The following PTPRN2 variants were observed in gnomAD, a reference collection of about 807,000 sequenced individuals.
PTPRN2 encodes receptor-type tyrosine-protein phosphatase N2.
Under a neutral mutation model 118.8 loss-of-function variants are expected in PTPRN2, and 74 were observed. The observed-to-expected ratio is 0.62, with a 90% CI of 0.52 to 0.76. PTPRN2 has a LOEUF of 0.76. Ranked by LOEUF, PTPRN2 falls within the 30% of genes least tolerant of loss-of-function variation. PTPRN2 has a pLI of 0.00. For synonymous variants in PTPRN2, 641 were observed against 608.0 expected (o/e 1.05, Z -0.80); for missense variants, 1,481 against 1,394.4 (o/e 1.06, Z -0.99).
intron 11 of PTPRN2, chr7:158,029,039 G>T (rs1807485884): frequency 6.6e-6 from 1 of 152,298 alleles, no homozygotes; most frequent in African/African-American, 2.4e-5. Context: ...CCAGTCACCT[G>T]GTGTGACATG....
Position 158,305,792 on chromosome 7 carries a change from C to CAAAAAAAA in PTPRN2, c.277+11019_277+11026dup, listed in dbSNP as rs113374723. ...CTAGCAGAAATCAGAGCAATTTACT[C>CAAAAAAAA]AAAAAAAAAAAAAAAGAAAGAAAGA... On this transcript the variant is annotated intron_variant, in intron 3 of 22. Transcript: ENST00000389418. Among the ~76,000 whole-genome samples the CAAAAAAAA allele has an allele frequency of 5.4e-3, 633 of 116,158 alleles. 8 individuals carry two copies. The highest frequency in any genetic ancestry group is 0.018 in the African/African-American group (582 of 33,058). 76.2% of individuals were successfully genotyped at this position (116,158 alleles called of 152,430 possible).
intron 11 of PTPRN2, among the ~76,000 whole-genome samples, chr7:158,072,149 T>C (rs1811989206): frequency 7.8e-6 from 1 of 127,478 alleles, no homozygotes. Context: ...CTAAATGCCA[T>C]TCAGTTGAAC....
chr7:157,657,318 A>G (rs937320544), intron 13 of PTPRN2, among the ~76,000 whole-genome samples: 1 of 134,402 alleles, frequency 7.4e-6, no homozygotes, highest in East Asian at 2.4e-4. Context: ...CACACCACAC[A>G]CATCACACAT....
chr7:158,175,586 T>C (rs551614492), intron 5 of PTPRN2, among the ~76,000 whole-genome samples: 1 of 152,318 alleles, frequency 6.6e-6, no homozygotes, highest in African/African-American at 2.4e-5. Flanking sequence ...GTGTCATTCT[T>C]ACCAACAGTG....
At chr7:158,173,037 C>T (rs1256115143) in intron 5 of PTPRN2, among the ~76,000 whole-genome samples, 2 of 151,058 alleles carry the variant, frequency 1.3e-5, no homozygotes, top group Non-Finnish European at 2.9e-5. Context: ...AGGATCCCCA[C>T]CATCATCACC....
At chr7:157,984,116 C>A (rs1803529438) in intron 11 of PTPRN2, among the ~76,000 whole-genome samples, 1 of 152,110 alleles carries the variant, frequency 6.6e-6, no homozygotes, top group Non-Finnish European at 1.5e-5. Context: ...GGGAACCCAG[C>A]AGCCTTCTTT....
At position 157,678,665 on chromosome 7, in the gene PTPRN2, A is replaced by C. The variant is rs113111161; in HGVS notation, c.2001+4060T>G. Among the ~76,000 whole-genome samples the C allele has an allele frequency of 3.4e-3, 519 of 152,228 alleles. 2 individuals are homozygous for C. Among genetic ancestry groups the C allele is most frequent in the Non-Finnish European group, 4.2e-3 (287 of 68,008 alleles). On this transcript the variant is annotated intron_variant, in intron 13 of 22. Coordinates refer to ENST00000389418, the MANE Select transcript of PTPRN2 (RefSeq NM_002847.5). ...AGACGTGCACTTAGCCGCTGTGTTT[A>C]CAGGAGGTCCCCGTGGCCCGGATGC...
At chr7:157,842,855 G>C (rs944301029) in intron 12 of PTPRN2, among the ~76,000 whole-genome samples, 1 of 152,132 alleles carries the variant, frequency 6.6e-6, no homozygotes, top group Admixed American at 6.5e-5. Flanking sequence ...TTGGGAAAGA[G>C]GCAAGGCACA....
rs1216972481 is a variant in PTPRN2, at chr7:158,517,339, C to T, written c.113-27554G>A. Among the ~76,000 whole-genome samples the T allele has an allele frequency of 2.0e-5, 3 of 152,194 alleles. No homozygotes were observed. The highest frequency in any genetic ancestry group is 4.4e-5 in the Non-Finnish European group (3 of 68,024). On this transcript the variant is annotated intron_variant, in intron 1 of 22. Coordinates refer to ENST00000389418, the MANE Select transcript of PTPRN2 (RefSeq NM_002847.5). The surrounding 1 kb of genome is among the most constrained non-coding windows in gnomAD (Gnocchi z 5.3). ...CCCTCACAGAACCGCAGCAACGACACCTATCACCGCCCACCACAGGCGCAC... is the reference window on the plus strand; with the variant it reads ...CCCTCACAGAACCGCAGCAACGACATCTATCACCGCCCACCACAGGCGCAC...
At chr7:158,330,765 C>G (rs376939668) in intron 2 of PTPRN2, among the ~76,000 whole-genome samples, 16 of 97,274 alleles carry the variant, frequency 1.6e-4, no homozygotes, top group African/African-American at 3.7e-4. Flanking sequence ...ACCATAAGAG[C>G]TGACACCCGC....
At chr7:158,443,626 C>T (rs562301562) in intron 2 of PTPRN2, among the ~76,000 whole-genome samples, 220 of 152,202 alleles carry the variant, frequency 1.4e-3, no homozygotes, top group African/African-American at 5.0e-3. Flanking sequence ...GATGGGGGAG[C>T]GGCGTGGGGC....
intron 2 of PTPRN2, among the ~76,000 whole-genome samples, chr7:158,340,319 C>T (rs1204056373): frequency 5.0e-5 from 5 of 100,680 alleles, no homozygotes; most frequent in Admixed American, 4.1e-4. Context: ...CACCCACAGA[C>T]ATCACTCACA....
intron 2 of PTPRN2, among the ~76,000 whole-genome samples, chr7:158,412,296 A>T (rs1232901355): frequency 1.9e-5 from 1 of 53,106 alleles, no homozygotes; most frequent in Non-Finnish European, 3.6e-5. Context: ...CCTCCTCAAC[A>T]CCAGGGCCCA....
intron 11 of PTPRN2, chr7:158,029,289 A>C (rs1249988503): frequency 6.6e-6 from 1 of 151,896 alleles, no homozygotes; most frequent in Non-Finnish European, 1.5e-5. Context: ...CATGGGGTTC[A>C]TATCCTGTCC....
intron 12 of PTPRN2, among the ~76,000 whole-genome samples, chr7:157,810,866 G>A (rs944250700): frequency 2.6e-5 from 4 of 152,056 alleles, no homozygotes; most frequent in East Asian, 1.9e-4. Context: ...CAGGGCTCAC[G>A]CTTTTCCATG....
chr7:158,084,548 C>T (rs1037877995), intron 10 of PTPRN2, among the ~76,000 whole-genome samples: 1 of 152,054 alleles, frequency 6.6e-6, no homozygotes, highest in East Asian at 1.9e-4. Context: ...AACAAAGATG[C>T]CTAGAGCCCT....
At position 158,192,426 on chromosome 7, in the gene PTPRN2, G is replaced by T. The variant is rs776966967; in HGVS notation, c.450C>A (p.Ala150=). Residue 150 remains alanine, a synonymous_variant, in exon 5 of 23, where the codon GCC becomes GCA. Coordinates refer to ENST00000389418, the MANE Select transcript of PTPRN2 (RefSeq NM_002847.5). ...CCAGGAAGGGCAGGTGGCGTCGGAG[G>T]GCGTTGGCCAGGGCAGCACCGCCCT... ...SREGGAALAN[A]LRRHLPFLEA... 20 of 1,546,572 alleles carry T rather than the reference G, an allele frequency of 1.3e-5. 1 individual carries two copies. The highest frequency in any genetic ancestry group is 3.4e-4 in the Middle Eastern group (2 of 5,868).
At position 157,725,207 on chromosome 7, in the gene PTPRN2, TGCG is replaced by T. The variant is rs1799466441; in HGVS notation, c.1789-42273_1789-42271del. ...AACTGGATATCCACACGCAGAGGAC[TGCG>T]GCCAGACCCTCGCCTCCCAGGAGAA... On this transcript the variant is annotated intron_variant, in intron 12 of 22. Transcript: ENST00000389418. Among the ~76,000 whole-genome samples, 4 of 132,056 alleles carry T rather than the reference TGCG, an allele frequency of 3.0e-5. No individual in the cohort carries two copies. The East Asian group carries it at 7.6e-4, about 25-fold the overall frequency. The allele number at this position is 132,056 out of a possible 152,430, so 86.6% of individuals were successfully genotyped here. A position where few individuals can be genotyped will look rare whatever the true frequency, so the allele number is the denominator to read the frequency against.
At chr7:158,444,877 A>G (rs1426367468) in intron 2 of PTPRN2, among the ~76,000 whole-genome samples, 2 of 152,112 alleles carry the variant, frequency 1.3e-5, no homozygotes, top group East Asian at 3.9e-4. Context: ...CCCCAAGTTC[A>G]TTGCTCAGGG....
Sources: allele counts gnomAD v4.1 joint callset (sites outside exome capture counted in the v4.1 genomes callset), GRCh38; gene constraint gnomAD v4.1.1; non-coding constraint Gnocchi (gnomAD v3.1); transcripts MANE v1.5; gene names NCBI Gene and HGNC (gene_info 2026-07-23, HGNC 2026-07-21).